NEMP2: variants seen among roughly 807,000 people sequenced by gnomAD.
NEMP2 encodes UPF0571 transmembrane protein.
In NEMP2, 53 loss-of-function variants were observed where a neutral mutation model predicts 54.2. That is an observed-to-expected ratio of 0.98 (90% CI 0.78 to 1.23). The LOEUF is 1.23. Among genes scored for constraint, NEMP2 ranks in the 50% most tolerant of loss-of-function variants. The pLI, the probability that NEMP2 is intolerant of heterozygous loss-of-function variation, is 0.00. For synonymous variants in NEMP2, 197 were observed against 190.3 expected (o/e 1.04, Z -0.29); for missense variants, 455 against 511.3 (o/e 0.89, Z 1.06).
intron 2 of NEMP2, among the ~76,000 whole-genome samples, chr2:190,524,475 G>A (rs1389241946): frequency 6.6e-6 from 1 of 152,024 alleles, no homozygotes; most frequent in East Asian, 1.9e-4. Flanking sequence ...GGTATCAATT[G>A]ACATCAAATG....
At chr2:190,504,060 C>A (rs1437383100), downstream of NEMP2, among the ~76,000 whole-genome samples, 2 of 152,130 alleles carry the variant, frequency 1.3e-5, no homozygotes, top group Non-Finnish European at 1.5e-5. This position sits in a 1 kb window ranked among gnomAD's most constrained non-coding sequence, Gnocchi z 5.6. Context: ...GATGGCAACC[C>A]AAGGACCTTA....
chr2:190,575,915 T>A, the NEMP2 span, among the ~76,000 whole-genome samples: 1 of 150,430 alleles, frequency 6.6e-6, no homozygotes, highest in Non-Finnish European at 1.5e-5. Flanking sequence ...AAAAGAACAT[T>A]ACAGATCATC....
the NEMP2 span, chr2:190,437,547 G>T: frequency 6.2e-7 from 1 of 1,613,312 alleles, no homozygotes; most frequent in South Asian, 1.1e-5. The surrounding 1 kb of genome is among the most constrained non-coding windows in gnomAD (Gnocchi z 5.9). Context: ...TTATTGAATT[G>T]ATCGGCCACA....
the NEMP2 span, among the ~76,000 whole-genome samples, chr2:190,541,972 C>T: frequency 1.3e-5 from 2 of 151,952 alleles, no homozygotes; most frequent in Non-Finnish European, 2.9e-5. The surrounding 1 kb of genome is among the most constrained non-coding windows in gnomAD (Gnocchi z 5.2). Context: ...ATTGGAGCTC[C>T]TTCATATGTT....
chr2:190,555,619 A>T, the NEMP2 span, among the ~76,000 whole-genome samples: 1 of 152,082 alleles, frequency 6.6e-6, no homozygotes, highest in Non-Finnish European at 1.5e-5. The surrounding 1 kb of genome is among the most constrained non-coding windows in gnomAD (Gnocchi z 4.8). Context: ...ACATGCTAAA[A>T]AAAAAGAATG....
rs1481168323 is a variant in NEMP2 at position 190,521,418 on chromosome 2, G to A, written c.214-2235C>T. ...TAAAGGTAAGTCCCGACTTGGGCAC[G>A]GGATCCTATCCACGTTTGCCTACTC... On this transcript the variant is annotated intron_variant, in intron 2 of 8. Transcript: ENST00000409150. The surrounding 1 kb of genome is among the most constrained non-coding windows in gnomAD (Gnocchi z 6.2). Among the ~76,000 whole-genome samples the A allele has an allele frequency of 2.0e-5, 3 of 152,094 alleles. No individual in the cohort carries two copies. Among genetic ancestry groups the A allele is most frequent in the Non-Finnish European group, 4.4e-5 (3 of 68,012 alleles).
chr2:190,447,911 G>A, the NEMP2 span, among the ~76,000 whole-genome samples: 1 of 152,160 alleles, frequency 6.6e-6, no homozygotes, highest in Non-Finnish European at 1.5e-5. The surrounding 1 kb of genome is among the most constrained non-coding windows in gnomAD (Gnocchi z 4.5). Flanking sequence ...CTACCAGGCT[G>A]ACTTATTAAT....
Position 190,514,690 on chromosome 2 carries a change from G to T in NEMP2, c.728-12C>A, listed in dbSNP as rs1449150978. The T allele has an allele frequency of 1.9e-6, 3 of 1,548,794 alleles. No homozygotes were observed. Among genetic ancestry groups the T allele is most frequent in the Non-Finnish European group, 2.6e-6 (3 of 1,144,418 alleles). ...TATCAAGACATAGCCTGGAAAAGTG[G>T]AAGAGGTAAAATAATATAAATTTGA... is the stretch of plus-strand genomic sequence containing the variant. On this transcript the variant is annotated splice_polypyrimidine_tract_variant and intron_variant, in intron 6 of 8. Transcript: ENST00000409150. This position sits in a 1 kb window ranked among gnomAD's most constrained non-coding sequence, Gnocchi z 5.7.
chr2:190,597,971 C>T, the NEMP2 span, among the ~76,000 whole-genome samples: 1 of 152,076 alleles, frequency 6.6e-6, no homozygotes, highest in African/African-American at 2.4e-5. The surrounding 1 kb of genome is among the most constrained non-coding windows in gnomAD (Gnocchi z 4.7). Context: ...CCATTTATAC[C>T]TCTAGGCTAG....
downstream of NEMP2, chr2:190,500,305 C>T (rs546550151): frequency 2.1e-6 from 3 of 1,411,658 alleles, no homozygotes; most frequent in African/African-American, 1.4e-5. The surrounding 1 kb of genome is among the most constrained non-coding windows in gnomAD (Gnocchi z 5.3). Context: ...GATATGCCTC[C>T]CCTGGAGGAG....
At chr2:190,546,583 T>C in the NEMP2 span, among the ~76,000 whole-genome samples, 1 of 152,146 alleles carries the variant, frequency 6.6e-6, no homozygotes, top group Non-Finnish European at 1.5e-5. This position sits in a 1 kb window ranked among gnomAD's most constrained non-coding sequence, Gnocchi z 5.1. Flanking sequence ...ATATTTTTGC[T>C]TACACTATGC....
At chr2:190,423,038 G>C in the NEMP2 span, among the ~76,000 whole-genome samples, 1 of 151,982 alleles carries the variant, frequency 6.6e-6, no homozygotes, top group Non-Finnish European at 1.5e-5. The surrounding 1 kb of genome is among the most constrained non-coding windows in gnomAD (Gnocchi z 4.3). Flanking sequence ...CTCCCTTAAG[G>C]GTAACCCCTA....
chr2:190,588,416 T>A, the NEMP2 span, among the ~76,000 whole-genome samples: 1 of 152,194 alleles, frequency 6.6e-6, no homozygotes, highest in Non-Finnish European at 1.5e-5. This position sits in a 1 kb window ranked among gnomAD's most constrained non-coding sequence, Gnocchi z 5.0. Context: ...GGGGCCAAGG[T>A]CTTCCTGTCC....
At chr2:190,545,339 T>C in the NEMP2 span, among the ~76,000 whole-genome samples, 1 of 152,238 alleles carries the variant, frequency 6.6e-6, no homozygotes, top group Non-Finnish European at 1.5e-5. Flanking sequence ...TCAGCCATTC[T>C]CTACTATCTA....
rs562503179 is a variant in NEMP2 at position 190,511,000 on chromosome 2, T to C, written c.954-463A>G. 6.6e-6 allele frequency among the ~76,000 whole-genome samples: 1 copy of C among 152,316 alleles called. No individual in the cohort carries two copies. Among genetic ancestry groups the C allele is most frequent in the Non-Finnish European group, 1.5e-5 (1 of 68,024 alleles). On this transcript the variant is annotated intron_variant, in intron 7 of 8. Transcript: ENST00000409150. The surrounding 1 kb of genome is among the most constrained non-coding windows in gnomAD (Gnocchi z 5.7). ...TATTGCTGTTATCATGACTGAGGTATAGAGAACATGTAGTTTGGGCCTAAT... is the reference window on the plus strand; with the variant it reads ...TATTGCTGTTATCATGACTGAGGTACAGAGAACATGTAGTTTGGGCCTAAT...
In NEMP2 at chr2:190,504,995, G is replaced by C. The variant is rs1247284009; in HGVS notation, c.*4194C>G. On this transcript the variant is annotated 3_prime_UTR_variant, in exon 9 of 9. Coordinates refer to ENST00000409150, the MANE Select transcript of NEMP2 (RefSeq NM_001142645.2). The surrounding 1 kb of genome is among the most constrained non-coding windows in gnomAD (Gnocchi z 5.6). ...ATTATTTCATTTTTCTAATAATTTA[G>C]TGTATCTTACAAAAGTATTACTAGT... 6.6e-6 allele frequency: 1 copy of C among 152,068 alleles called. No individual in the cohort carries two copies. The highest frequency in any genetic ancestry group is 1.5e-5 in the Non-Finnish European group (1 of 68,020). The allele number at this position is 152,068 out of a possible 1,614,324, so 9.4% of individuals were successfully genotyped here.
At chr2:190,436,473 C>T in the NEMP2 span, 3 of 1,614,196 alleles carry the variant, frequency 1.9e-6, no homozygotes, top group Non-Finnish European at 8.5e-7. The surrounding 1 kb of genome is among the most constrained non-coding windows in gnomAD (Gnocchi z 5.3). Flanking sequence ...TCAACCTGGG[C>T]ATTGGATTTG....
the NEMP2 span, among the ~76,000 whole-genome samples, chr2:190,427,461 G>T: frequency 1.3e-5 from 2 of 152,138 alleles, no homozygotes; most frequent in African/African-American, 4.8e-5. Context: ...CCCTTTCCTG[G>T]TTCATTAGAT....
At chr2:190,499,044 A>G in the NEMP2 span, among the ~76,000 whole-genome samples, 1 of 152,112 alleles carries the variant, frequency 6.6e-6, no homozygotes, top group Admixed American at 6.5e-5. The surrounding 1 kb of genome is among the most constrained non-coding windows in gnomAD (Gnocchi z 6.0). Context: ...GCTACTATGG[A>G]AGGCTGAGGC....
Sources: allele counts gnomAD v4.1 joint callset (sites outside exome capture counted in the v4.1 genomes callset), GRCh38; gene constraint gnomAD v4.1.1; non-coding constraint Gnocchi (gnomAD v3.1); transcripts MANE v1.5; gene names NCBI Gene and HGNC (gene_info 2026-07-23, HGNC 2026-07-21).